Variants in RPH3A observed in about 807,000 individuals in gnomAD.
RPH3A encodes the protein rabphilin-3A.
In RPH3A, 48 loss-of-function variants were observed where a neutral mutation model predicts 102.2. That is an observed-to-expected ratio of 0.47 (90% CI 0.37 to 0.60). The LOEUF (loss-of-function observed/expected upper bound fraction) is 0.60, where lower values mean the gene tolerates loss of function less well. RPH3A is among the 20% of genes least tolerant of loss of function. RPH3A has a pLI of 0.00. For missense variants in RPH3A, 781 were observed against 910.1 expected (o/e 0.86, Z 1.83); for synonymous variants, 310 against 324.3 (o/e 0.96, Z 0.47).
rs1326198503 is a variant in RPH3A at position 112,879,143 on chromosome 12, G to T, written c.1196G>T (p.Ser399Ile). 1 of 1,614,080 alleles carries T rather than the reference G, an allele frequency of 6.2e-7. No individual in the cohort carries two copies. The highest frequency in any genetic ancestry group is 1.1e-5 in the South Asian group (1 of 91,060). ...GCCACCCTGGGTGCCCTGGAATTCA[G>T]CCTTCTCTACGACCAGGACAACAGC... ...EATTLGALEF[S>I]LLYDQDNSSL... is the part of the protein sequence containing the mutation. Residue 399 changes from serine to isoleucine, a missense_variant, in exon 14 of 22, where the codon AGC becomes ATC. Coordinates refer to ENST00000389385, the MANE Select transcript of RPH3A (RefSeq NM_001143854.2).
At chr12:112,670,023 T>A (rs1393850313) in intron 1 of RPH3A, among the ~76,000 whole-genome samples, 1 of 152,244 alleles carries the variant, frequency 6.6e-6, no homozygotes, top group Non-Finnish European at 1.5e-5. Flanking sequence ...TATTTTTCAG[T>A]ACATGCACAA....
intron 1 of RPH3A, among the ~76,000 whole-genome samples, chr12:112,685,896 T>G (rs2040260171): frequency 6.6e-6 from 1 of 152,166 alleles, no homozygotes; most frequent in Admixed American, 6.5e-5. Context: ...TTGTGTTGGG[T>G]ATTTGAATGG....
intron 1 of RPH3A, among the ~76,000 whole-genome samples, chr12:112,646,536 C>T (rs996936482): frequency 2.6e-5 from 4 of 152,274 alleles, no homozygotes; most frequent in South Asian, 4.2e-4. Context: ...GGCTCTCAGC[C>T]GGTCACACTC....
At chr12:112,682,355 C>CT (rs35365778) in intron 1 of RPH3A, among the ~76,000 whole-genome samples, 41 of 116,532 alleles carry the variant, frequency 3.5e-4, no homozygotes, top group Non-Finnish European at 5.7e-4. Context: ...TTCTTTCTTT[C>CT]TTTTTTTTTT....
In RPH3A at chr12:112,582,498, G is replaced by A. The variant is rs558517025; in HGVS notation, c.-140+7179G>A. 2.0e-5 allele frequency among the ~76,000 whole-genome samples: 3 copies of A among 147,352 alleles called. No homozygotes were observed. The East Asian group carries it at 5.9e-4, about 29-fold the overall frequency. ...GTCTCCCTCTGTTGCCCAGGCTGAAGTGCAGTGTCGTGATCATAGCTCACT... is the reference window on the plus strand; with the variant it reads ...GTCTCCCTCTGTTGCCCAGGCTGAAATGCAGTGTCGTGATCATAGCTCACT... On this transcript the variant is annotated intron_variant, in intron 1 of 21. Coordinates refer to the RPH3A transcript ENST00000543106.
intron 1 of RPH3A, among the ~76,000 whole-genome samples, chr12:112,708,175 A>G (rs551532635): frequency 6.6e-6 from 1 of 152,232 alleles, no homozygotes; most frequent in Non-Finnish European, 1.5e-5. Context: ...TTTATGTCAC[A>G]GCCTATGTGG....
chr12:112,750,956 C>A (rs2040782022), intron 1 of RPH3A, among the ~76,000 whole-genome samples: 1 of 152,042 alleles, frequency 6.6e-6, no homozygotes, highest in Admixed American at 6.6e-5. Context: ...TGTCGGGGAC[C>A]ATCTTGAAAC....
At chr12:112,644,731 T>A (rs909523416) in intron 1 of RPH3A, among the ~76,000 whole-genome samples, 1 of 152,194 alleles carries the variant, frequency 6.6e-6, no homozygotes, top group Non-Finnish European at 1.5e-5. Flanking sequence ...CAGTCCTTAC[T>A]CATCCTCATC....
chr12:112,680,754 C>T (rs1163908028), intron 1 of RPH3A, among the ~76,000 whole-genome samples: 2 of 152,176 alleles, frequency 1.3e-5, no homozygotes, highest in African/African-American at 4.8e-5. Context: ...TCCTTTTTCT[C>T]TTGATCAATT....
intron 4 of RPH3A, among the ~76,000 whole-genome samples, chr12:112,843,526 G>C (rs897943579): frequency 3.3e-5 from 5 of 152,218 alleles, no homozygotes; most frequent in Non-Finnish European, 5.9e-5. Flanking sequence ...TTATGTCTCT[G>C]GAGCCATGTG....
chr12:112,716,365 A>G (rs1295379925), intron 1 of RPH3A, among the ~76,000 whole-genome samples: 1 of 152,238 alleles, frequency 6.6e-6, no homozygotes, highest in Non-Finnish European at 1.5e-5. Flanking sequence ...GACTGAATGA[A>G]GGAGCAGAAC....
chr12:112,725,897 G>A lies in RPH3A; in HGVS notation c.-139-66246G>A, dbSNP rs2040585941. On this transcript the variant is annotated intron_variant, in intron 1 of 21. Transcript: ENST00000543106. Reference sequence around the variant, plus strand: ...TGCAACCTCTGCCTCCCGGGTTCACGCCATTCTCCTGCCTCAGCCTCACGA... The same window carrying A: ...TGCAACCTCTGCCTCCCGGGTTCACACCATTCTCCTGCCTCAGCCTCACGA... Among the ~76,000 whole-genome samples, 3 of 151,854 alleles carry A rather than the reference G, an allele frequency of 2.0e-5. No individual in the cohort carries two copies. The South Asian group carries it at 6.3e-4, about 32-fold the overall frequency.
intron 1 of RPH3A, among the ~76,000 whole-genome samples, chr12:112,717,033 G>T (rs186705801): frequency 2.0e-5 from 3 of 152,086 alleles, no homozygotes; most frequent in African/African-American, 7.2e-5. Flanking sequence ...TGTGTTCTTC[G>T]TCCCATTTAA....
chr12:112,796,025 T>C (rs1179731501), intron 2 of RPH3A, among the ~76,000 whole-genome samples: 3 of 152,184 alleles, frequency 2.0e-5, no homozygotes, highest in Non-Finnish European at 2.9e-5. Flanking sequence ...AGACAGGAGC[T>C]GCCAGCCCCT....
chr12:112,776,975 C>G (rs1253136237), intron 1 of RPH3A, among the ~76,000 whole-genome samples: 2 of 147,726 alleles, frequency 1.4e-5, no homozygotes, highest in African/African-American at 2.5e-5. Flanking sequence ...AAGCACAGGT[C>G]AAATTCAGTT....
At chr12:112,713,045 T>C (rs866056620) in intron 1 of RPH3A, among the ~76,000 whole-genome samples, 33 of 77,510 alleles carry the variant, frequency 4.3e-4, no homozygotes, top group Admixed American at 8.8e-4. Context: ...TTCTTCTTCT[T>C]CTTCTCCTTC....
chr12:112,762,904 A>G (rs2040863581), intron 1 of RPH3A, among the ~76,000 whole-genome samples: 1 of 152,202 alleles, frequency 6.6e-6, no homozygotes, highest in African/African-American at 2.4e-5. Flanking sequence ...GGCCAGGAAG[A>G]AGGAATATGC....
At chr12:112,589,586 A>G (rs1383514727) in intron 1 of RPH3A, among the ~76,000 whole-genome samples, 2 of 152,152 alleles carry the variant, frequency 1.3e-5, no homozygotes, top group Non-Finnish European at 2.9e-5. Flanking sequence ...CAACCTGTTT[A>G]ACATTACACC....
chr12:112,800,686 G>A (rs937140256), intron 2 of RPH3A, among the ~76,000 whole-genome samples: 12 of 152,112 alleles, frequency 7.9e-5, no homozygotes, highest in Non-Finnish European at 1.2e-4. Flanking sequence ...TGAATTCTGC[G>A]GGAGTGCAGA....
Sources: gnomAD v4.1 joint callset for allele counts (sites outside exome capture counted in the v4.1 genomes callset) on GRCh38, gnomAD v4.1.1 for gene constraint, MANE v1.5 for transcripts, NCBI Gene and HGNC (gene_info 2026-07-23, HGNC 2026-07-21) for gene names.